LEPR: variants seen among roughly 807,000 people sequenced by gnomAD.
The protein encoded by LEPR is leptin receptor.
In LEPR, 56 loss-of-function variants were observed where a neutral mutation model predicts 114.7. That is an observed-to-expected ratio of 0.49 (90% CI 0.39 to 0.61). LEPR has a LOEUF of 0.61. LEPR is among the 20% of genes least tolerant of loss of function. The probability of loss-of-function intolerance (pLI) is 0.00; values close to 1 mark genes in which losing one functional copy is unlikely to be tolerated. For synonymous variants in LEPR, 443 were observed against 461.4 expected, an observed-to-expected ratio of 0.96 and a Z score of 0.51; for missense variants, 1,202 against 1,352.9, an observed-to-expected ratio of 0.89 and a Z score of 1.75.
At chr1:65,488,901 G>A (rs544664968) in intron 2 of LEPR, among the ~76,000 whole-genome samples, 2 of 152,182 alleles carry the variant, frequency 1.3e-5, no homozygotes, top group East Asian at 1.9e-4. Flanking sequence ...TTATTTCACC[G>A]AATATAATGT....
At chr1:65,493,074 G>A (rs1234886864) in intron 2 of LEPR, among the ~76,000 whole-genome samples, 2 of 151,874 alleles carry the variant, frequency 1.3e-5, no homozygotes, top group African/African-American at 4.8e-5. Flanking sequence ...AGTTTGTTCT[G>A]CAGCATCACA....
chr1:65,617,394 G>A (rs1207228216), intron 15 of LEPR, among the ~76,000 whole-genome samples: 2 of 152,190 alleles, frequency 1.3e-5, no homozygotes, highest in African/African-American at 2.4e-5. Flanking sequence ...GTAGGGGAGG[G>A]CAGGAAAAGC....
At chr1:65,451,494 A>G (rs1366470898) in intron 2 of LEPR, among the ~76,000 whole-genome samples, 5 of 152,022 alleles carry the variant, frequency 3.3e-5, no homozygotes, top group Non-Finnish European at 5.9e-5. Context: ...CTTTCTACAT[A>G]TGGCTAGCCA....
chr1:65,634,359 CTAAG>C (rs1453548337), intron 19 of LEPR: 2 of 974,518 alleles, frequency 2.1e-6, no homozygotes, highest in African/African-American at 3.5e-5. Flanking sequence ...AATGTAAAAT[CTAAG>C]TATGAAATTA....
At chr1:65,556,856 G>A (rs891181919) in intron 2 of LEPR, among the ~76,000 whole-genome samples, 6 of 152,190 alleles carry the variant, frequency 3.9e-5, no homozygotes, top group Middle Eastern at 6.8e-3. Context: ...TGACAGGAGA[G>A]GGCTGTAGTG....
chr1:65,474,109 T>A (rs1647125627), intron 2 of LEPR, among the ~76,000 whole-genome samples: 1 of 152,240 alleles, frequency 6.6e-6, no homozygotes, highest in African/African-American at 2.4e-5. Context: ...GCTTCGTATG[T>A]GTGTTTTACA....
chr1:65,638,472 A>G lies in LEPR; in HGVS notation c.*1457A>G, dbSNP rs770532599. The G allele has an allele frequency of 3.3e-5, 5 of 152,172 alleles. No individual in the cohort carries two copies. Among genetic ancestry groups the G allele is most frequent in the Non-Finnish European group, 7.3e-5 (5 of 68,032 alleles). The allele number at this position is 152,172 out of a possible 1,614,324, so 9.4% of individuals were successfully genotyped here. A position where few individuals can be genotyped will look rare whatever the true frequency, so the allele number is the denominator to read the frequency against. Reference sequence around the variant, plus strand: ...GAATATCAGTATCATCAAAATAAGTACTTTAGTGTTCAAAAATATGCCTAT... The same window carrying G: ...GAATATCAGTATCATCAAAATAAGTGCTTTAGTGTTCAAAAATATGCCTAT... On this transcript the variant is annotated 3_prime_UTR_variant, in exon 20 of 20. Coordinates refer to ENST00000349533, the MANE Select transcript of LEPR (RefSeq NM_002303.6).
chr1:65,573,427 A>T (rs1302221426), intron 5 of LEPR, among the ~76,000 whole-genome samples: 1 of 152,220 alleles, frequency 6.6e-6, no homozygotes, highest in East Asian at 1.9e-4. Context: ...GATTTTTCGT[A>T]TTCGATCTCT....
chr1:65,621,421 A>C lies in LEPR; in HGVS notation c.2560A>C (p.Ile854Leu). ...TGTGCCAGTAATTATTTCCTCTTCC[A>C]TCTTATTGCTTGGAACATTATTAAT... ...VIVPVIISSS[I>L]LLLGTLLISH... is the part of the protein sequence containing the mutation. Residue 854 changes from isoleucine (I) to leucine (L), a missense_variant, in exon 18 of 20, where the codon ATC becomes CTC. By Grantham distance (5) the Ile-to-Leu change is conservative (BLOSUM62 2). Transcript: ENST00000349533. The C allele has an allele frequency of 6.2e-7, 1 of 1,613,408 alleles. No individual in the cohort carries two copies. The highest frequency in any genetic ancestry group is 8.5e-7 in the Non-Finnish European group (1 of 1,179,612).
chr1:65,472,411 A>AACACACACACACACACACACAC lies in LEPR; in HGVS notation c.-21+47046_-21+47067dup, dbSNP rs71721804. Among the ~76,000 whole-genome samples the AACACACACACACACACACACAC allele has an allele frequency of 5.2e-3, 687 of 133,264 alleles. 4 individuals are homozygous for AACACACACACACACACACACAC. The highest frequency in any genetic ancestry group is 0.011 in the African/African-American group (375 of 34,590). The allele number at this position is 133,264 out of a possible 152,430, so 87.4% of individuals were successfully genotyped here. On this transcript the variant is annotated intron_variant, in intron 2 of 19. Coordinates refer to ENST00000349533, the MANE Select transcript of LEPR (RefSeq NM_002303.6). ...CTCTGGGTCATTTAGCTGTGGCTAA[A>AACACACACACACACACACACAC]ACACACACACACACACACACACACA...
chr1:65,458,060 C>G (rs1646899874), intron 2 of LEPR, among the ~76,000 whole-genome samples: 2 of 152,198 alleles, frequency 1.3e-5, no homozygotes, highest in Admixed American at 6.5e-5. Flanking sequence ...CAATGTGATA[C>G]TGGAGCAACC....
chr1:65,496,391 G>C (rs899086051), intron 2 of LEPR, among the ~76,000 whole-genome samples: 4 of 152,004 alleles, frequency 2.6e-5, no homozygotes, highest in Non-Finnish European at 5.9e-5. Context: ...TGGGCAAGTT[G>C]GCGAAACCCT....
chr1:65,526,490 T>C, intron 2 of LEPR: 1 of 901,990 alleles, frequency 1.1e-6, no homozygotes. Flanking sequence ...TTCTAGAACT[T>C]GTGTTTGCAA....
At chr1:65,481,835 AC>A (rs1275380329) in intron 2 of LEPR, among the ~76,000 whole-genome samples, 2 of 150,316 alleles carry the variant, frequency 1.3e-5, no homozygotes, top group Non-Finnish European at 3.0e-5. Context: ...AAAAAAAAAA[AC>A]ACCCCAGAAG....
At chr1:65,575,068 A>C (rs1250936400) in intron 5 of LEPR, among the ~76,000 whole-genome samples, 1 of 152,158 alleles carries the variant, frequency 6.6e-6, no homozygotes, top group African/African-American at 2.4e-5. Context: ...ATATGAAAAA[A>C]ACCTGGTTAC....
chr1:65,499,718 A>T (rs532226842), intron 2 of LEPR, among the ~76,000 whole-genome samples: 2 of 152,252 alleles, frequency 1.3e-5, no homozygotes, highest in Admixed American at 6.5e-5. Context: ...AAATCTGCAG[A>T]CATCTTCTTT....
chr1:65,432,260 A>G (rs1253440307), intron 2 of LEPR: 1 of 1,004,866 alleles, frequency 1.0e-6, no homozygotes, highest in African/African-American at 1.7e-5. Flanking sequence ...GGAGAGGCAG[A>G]TAACGCTGAA....
chr1:65,500,030 C>T (rs997262479), intron 2 of LEPR, among the ~76,000 whole-genome samples: 2 of 152,094 alleles, frequency 1.3e-5, no homozygotes. Flanking sequence ...CTGCATGCTG[C>T]TCTCATAATA....
At chr1:65,543,021 C>G (rs919123706) in intron 2 of LEPR, among the ~76,000 whole-genome samples, 2 of 151,836 alleles carry the variant, frequency 1.3e-5, no homozygotes, top group Non-Finnish European at 2.9e-5. Context: ...GTTCTAGATC[C>G]CTGAAGAATT....
Sources: allele counts gnomAD v4.1 joint callset (sites outside exome capture counted in the v4.1 genomes callset), GRCh38; gene constraint gnomAD v4.1.1; transcripts MANE v1.5; gene names NCBI Gene and HGNC (gene_info 2026-07-23, HGNC 2026-07-21).